Variants in ANK3 observed in about 807,000 individuals in gnomAD.
The protein encoded by ANK3 is ankyrin-3.
In ANK3, 57 loss-of-function variants were observed where a neutral mutation model predicts 370.9. That is an observed-to-expected ratio of 0.15 (90% CI 0.12 to 0.19). ANK3 has a LOEUF of 0.19. Ranked by LOEUF, ANK3 falls within the 10% of genes least tolerant of loss-of-function variation. The probability of loss-of-function intolerance (pLI) is 1.00; values close to 1 mark genes in which losing one functional copy is unlikely to be tolerated. For missense variants in ANK3, 4,439 were observed against 5,302.1 expected (o/e 0.84, Z 5.06); for synonymous variants, 1,929 against 1,946.3 (o/e 0.99, Z 0.23).
chr10:60,235,597 C>G (rs1409400501), intron 7 of ANK3, among the ~76,000 whole-genome samples: 2 of 116,488 alleles, frequency 1.7e-5, no homozygotes, highest in Non-Finnish European at 3.3e-5. Flanking sequence ...GACAGAGTCT[C>G]GTTATATTGC....
intron 1 of ANK3, among the ~76,000 whole-genome samples, chr10:60,666,071 A>G (rs931838003): frequency 6.6e-6 from 1 of 152,202 alleles, no homozygotes; most frequent in Non-Finnish European, 1.5e-5. Flanking sequence ...ATAGACCCCA[A>G]AAAATTGAAA....
chr10:60,285,546 A>C (rs1352485206), intron 1 of ANK3, among the ~76,000 whole-genome samples: 1 of 151,930 alleles, frequency 6.6e-6, no homozygotes, highest in Non-Finnish European at 1.5e-5. Flanking sequence ...TTCTTCTGTC[A>C]TCTCTTTGTT....
intron 2 of ANK3, among the ~76,000 whole-genome samples, chr10:60,528,721 T>G (rs893111404): frequency 4.6e-5 from 7 of 152,052 alleles, no homozygotes; most frequent in African/African-American, 7.2e-5. Context: ...GCAGCATCCT[T>G]GTCCTCTTCT....
intron 40 of ANK3, chr10:60,062,851 T>C (rs1006708715): frequency 3.8e-6 from 1 of 262,416 alleles, no homozygotes; most frequent in Non-Finnish European, 7.1e-6. Context: ...TTTTATGAAA[T>C]ATTAGAAATA....
At chr10:60,687,614 C>T (rs189596841) in intron 1 of ANK3, among the ~76,000 whole-genome samples, 10 of 152,004 alleles carry the variant, frequency 6.6e-5, no homozygotes, top group Admixed American at 3.9e-4. Flanking sequence ...CTATTGGTCA[C>T]GATATAAAAT....
chr10:60,253,900 C>A (rs1037404521), intron 7 of ANK3, among the ~76,000 whole-genome samples: 2 of 151,882 alleles, frequency 1.3e-5, no homozygotes, highest in East Asian at 1.9e-4. Context: ...CATTCAAATG[C>A]CAAAAAAAGT....
chr10:60,346,039 G>A (rs930397331), intron 1 of ANK3, among the ~76,000 whole-genome samples: 15 of 152,038 alleles, frequency 9.9e-5, no homozygotes, highest in African/African-American at 2.9e-4. Context: ...TGATTGGGTC[G>A]AGAACATGTG....
At chr10:60,360,607 G>T (rs2058453082) in intron 1 of ANK3, among the ~76,000 whole-genome samples, 1 of 152,092 alleles carries the variant, frequency 6.6e-6, no homozygotes, top group Non-Finnish European at 1.5e-5. Context: ...TACTGGGAAG[G>T]CTGAGATGGG....
chr10:60,723,284 T>A (rs1031759750), intron 1 of ANK3, among the ~76,000 whole-genome samples: 1 of 152,220 alleles, frequency 6.6e-6, no homozygotes, highest in Non-Finnish European at 1.5e-5. Flanking sequence ...TTCTTCAAGA[T>A]CACAACACCT....
chr10:60,711,401 T>C (rs935543521), intron 1 of ANK3, among the ~76,000 whole-genome samples: 3 of 151,190 alleles, frequency 2.0e-5, no homozygotes, highest in Non-Finnish European at 4.4e-5. Flanking sequence ...AATAAATAAA[T>C]AAAAATAAAA....
At chr10:60,578,347 T>C (rs2077707421) in intron 2 of ANK3, among the ~76,000 whole-genome samples, 1 of 152,220 alleles carries the variant, frequency 6.6e-6, no homozygotes, top group South Asian at 2.1e-4. Context: ...TAATTTTCTT[T>C]CACTGGGCTA....
intron 7 of ANK3, among the ~76,000 whole-genome samples, chr10:60,240,185 C>T (rs1363465005): frequency 2.2e-5 from 3 of 134,664 alleles, no homozygotes; most frequent in South Asian, 2.3e-4. Context: ...CATATATACA[C>T]ATATATATAC....
chr10:60,126,412 G>A (rs1435682289), intron 25 of ANK3, among the ~76,000 whole-genome samples: 1 of 152,142 alleles, frequency 6.6e-6, no homozygotes, highest in African/African-American at 2.4e-5. Context: ...TTATCCAGGT[G>A]TGGTGGCTCA....
intron 2 of ANK3, among the ~76,000 whole-genome samples, chr10:60,404,448 ATT>A: frequency 6.6e-6 from 1 of 152,284 alleles, no homozygotes; most frequent in East Asian, 1.9e-4. Flanking sequence ...TCATTGATTT[ATT>A]TTCAACAAAG....
intron 1 of ANK3, among the ~76,000 whole-genome samples, chr10:60,680,357 C>A (rs1014459033): frequency 6.6e-6 from 1 of 152,200 alleles, no homozygotes; most frequent in Non-Finnish European, 1.5e-5. Flanking sequence ...TGAGGGCCAG[C>A]ATGGCCCAGT....
In ANK3 at chr10:60,349,281, T is replaced by G. The variant is rs140750564; in HGVS notation, c.114+40144A>C. Among the ~76,000 whole-genome samples the G allele has an allele frequency of 8.9e-4, 136 of 152,330 alleles. 1 individual carries two copies. Among genetic ancestry groups the G allele is most frequent in the African/African-American group, 3.1e-3 (129 of 41,584 alleles). On this transcript the variant is annotated intron_variant, in intron 1 of 43. Transcript: ENST00000280772. ...CAGAAAAAGATCTTTTTCTGCAAGA[T>G]GTCTACGTAGACAGCTTGAATTCTG...
intron 2 of ANK3, among the ~76,000 whole-genome samples, chr10:60,498,845 C>T (rs747812336): frequency 6.6e-6 from 1 of 152,158 alleles, no homozygotes; most frequent in Non-Finnish European, 1.5e-5. Flanking sequence ...AGGTGGCCAT[C>T]AGGCATATTT....
intron 1 of ANK3, among the ~76,000 whole-genome samples, chr10:60,280,354 C>T (rs1030055308): frequency 2.0e-5 from 3 of 152,148 alleles, no homozygotes; most frequent in African/African-American, 7.2e-5. Context: ...CCCAACTTAA[C>T]CCATTATATG....
intron 36 of ANK3, among the ~76,000 whole-genome samples, chr10:60,080,304 AT>A (rs1337488680): frequency 6.6e-6 from 1 of 152,240 alleles, no homozygotes; most frequent in African/African-American, 2.4e-5. Flanking sequence ...CATGTTTCTA[AT>A]TTAAAAATAG....
Sources: gnomAD v4.1 joint callset for allele counts (sites outside exome capture counted in the v4.1 genomes callset) on GRCh38, gnomAD v4.1.1 for gene constraint, MANE v1.5 for transcripts, NCBI Gene and HGNC (gene_info 2026-07-23, HGNC 2026-07-21) for gene names.